Variants in ADAM18 observed in about 807,000 individuals in gnomAD.
ADAM18 encodes disintegrin and metalloproteinase domain-containing protein 18.
Under a neutral mutation model 94.4 loss-of-function variants are expected in ADAM18, and 117 were observed. The ratio of observed to expected loss-of-function variants is 1.24; its 90% CI spans 1.07 to 1.45. The LOEUF (loss-of-function observed/expected upper bound fraction) is 1.45, where lower values mean the gene tolerates loss of function less well. Ranked by LOEUF, ADAM18 falls within the 40% of genes most tolerant of loss-of-function variation. The pLI, the probability that ADAM18 is intolerant of heterozygous loss-of-function variation, is 0.00. For synonymous variants in ADAM18, 327 were observed against 291.6 expected (o/e 1.12, Z -1.24); for missense variants, 936 against 880.0 (o/e 1.06, Z -0.81).
At chr8:39,661,340 T>C (rs1483840592) in intron 12 of ADAM18, among the ~76,000 whole-genome samples, 1 of 141,608 alleles carries the variant, frequency 7.1e-6, no homozygotes, top group Non-Finnish European at 1.5e-5. Flanking sequence ...TTTTTTTTTT[T>C]TTTTTTTGTA....
At chr8:39,650,964 T>C (rs763447294) in intron 12 of ADAM18, among the ~76,000 whole-genome samples, 2 of 152,144 alleles carry the variant, frequency 1.3e-5, no homozygotes, top group Non-Finnish European at 2.9e-5. Flanking sequence ...CTGAGTTCCC[T>C]CAGTATTTAT....
chr8:39,670,085 A>G (rs1010312774), intron 14 of ADAM18, among the ~76,000 whole-genome samples: 4 of 151,926 alleles, frequency 2.6e-5, no homozygotes, highest in African/African-American at 9.7e-5. Context: ...GCATTTTTTC[A>G]TGTGTTTTTT....
chr8:39,610,448 T>G, intron 5 of ADAM18, 81 bp from the exon 6 acceptor site: 1 of 1,421,682 alleles, frequency 7.0e-7, no homozygotes, highest in Non-Finnish European at 9.3e-7. Flanking sequence ...TTTAATTTCT[T>G]ATGCCATTTC....
chr8:39,666,732 T>A (rs775522652), intron 13 of ADAM18, among the ~76,000 whole-genome samples: 1 of 152,148 alleles, frequency 6.6e-6, no homozygotes, highest in Non-Finnish European at 1.5e-5. Context: ...TTCACTATCA[T>A]GAGAATAGCA....
intron 16 of ADAM18, among the ~76,000 whole-genome samples, chr8:39,684,139 A>G (rs1563305531): frequency 6.6e-6 from 1 of 152,148 alleles, no homozygotes; most frequent in Admixed American, 6.5e-5. Flanking sequence ...CTCAAAATAA[A>G]TAAATACATA....
intron 2 of ADAM18, among the ~76,000 whole-genome samples, chr8:39,586,850 T>C (rs1158235777): frequency 6.6e-6 from 1 of 152,168 alleles, no homozygotes; most frequent in African/African-American, 2.4e-5. Flanking sequence ...GATTTACTAC[T>C]ATTGTACATT....
At chr8:39,634,768 T>G (rs1242545727) in intron 7 of ADAM18, among the ~76,000 whole-genome samples, 1 of 152,206 alleles carries the variant, frequency 6.6e-6, no homozygotes, top group Non-Finnish European at 1.5e-5. Flanking sequence ...AGAATAAATC[T>G]TGCCTTGAGT....
At chr8:39,588,782 C>T (rs1818483695) in intron 2 of ADAM18, among the ~76,000 whole-genome samples, 1 of 152,162 alleles carries the variant, frequency 6.6e-6, no homozygotes. Flanking sequence ...AGGGAGAATG[C>T]ACACCTTGGG....
intron 3 of ADAM18, among the ~76,000 whole-genome samples, chr8:39,607,741 T>TC (rs1242888893): frequency 1.5e-5 from 2 of 132,996 alleles, no homozygotes; most frequent in African/African-American, 3.0e-5. Flanking sequence ...CTCCTTTCTC[T>TC]ATTTTTTTTT....
At chr8:39,628,853 G>A (rs1222265903) in intron 6 of ADAM18, among the ~76,000 whole-genome samples, 1 of 152,012 alleles carries the variant, frequency 6.6e-6, no homozygotes, top group Non-Finnish European at 1.5e-5. Context: ...CAGAGCATAG[G>A]CTTTGTGTGT....
At chr8:39,584,729 G>A (rs2129457828) in intron 1 of ADAM18, 52 bp downstream of exon 1, 1 of 1,588,740 alleles carries the variant, frequency 6.3e-7, no homozygotes, top group Non-Finnish European at 8.6e-7. Context: ...GCTGGGCTGG[G>A]CTCTTACTGG....
rs1384938667 is a variant in ADAM18 at position 39,648,405 on chromosome 8, TC to T, written c.1109del (p.Ser370Ter). The T allele has an allele frequency of 1.2e-6, 2 of 1,613,216 alleles. No homozygotes were observed. The highest frequency in any genetic ancestry group is 4.5e-5 in the East Asian group (2 of 44,820). ...CATGCACGACTATAGATATTTTGTT[TC>T]AAAATTTGAGACTAAATGCCTTCAG... is the stretch of plus-strand genomic sequence containing the variant. ...CSMHDYRYFV[S>X]KFETKCLQKL... On this transcript the variant is annotated frameshift_variant, in exon 12 of 20. Transcript: ENST00000265707. LOFTEE classifies it high-confidence loss of function.
intron 17 of ADAM18, among the ~76,000 whole-genome samples, chr8:39,704,912 G>A (rs1029104112): frequency 1.3e-5 from 2 of 151,736 alleles, no homozygotes; most frequent in Non-Finnish European, 2.9e-5. Flanking sequence ...TCATGTCCTT[G>A]TACTTTCATT....
intron 6 of ADAM18, among the ~76,000 whole-genome samples, chr8:39,628,157 A>G (rs974702305): frequency 2.6e-5 from 4 of 151,928 alleles, no homozygotes; most frequent in African/African-American, 7.2e-5. Context: ...CTCACTCAAC[A>G]TTATTTCAGT....
intron 19 of ADAM18, among the ~76,000 whole-genome samples, chr8:39,726,108 TTA>T (rs1194294123): frequency 1.3e-5 from 2 of 152,204 alleles, no homozygotes; most frequent in Middle Eastern, 3.4e-3. Flanking sequence ...TGGTCTTCAT[TTA>T]TGTTTTCCTG....
intron 6 of ADAM18, 47 bp from the exon 7 acceptor site, chr8:39,629,327 T>G (rs750861624): frequency 2.1e-6 from 3 of 1,400,100 alleles, no homozygotes; most frequent in Admixed American, 2.1e-5. Flanking sequence ...TCTCTTAAAT[T>G]CAATACATGT....
intron 18 of ADAM18, among the ~76,000 whole-genome samples, chr8:39,712,976 T>G (rs1247249028): frequency 6.6e-6 from 1 of 152,016 alleles, no homozygotes. Flanking sequence ...GAGCCCACAT[T>G]GCCAAGACAA....
intron 3 of ADAM18, among the ~76,000 whole-genome samples, chr8:39,608,613 C>G (rs1819163898): frequency 6.6e-6 from 1 of 152,026 alleles, no homozygotes; most frequent in South Asian, 2.1e-4. Context: ...CCATGCCACC[C>G]TATCTACATT....
At chr8:39,685,705 C>G (rs1821591148) in intron 16 of ADAM18, among the ~76,000 whole-genome samples, 1 of 152,142 alleles carries the variant, frequency 6.6e-6, no homozygotes, top group Non-Finnish European at 1.5e-5. Flanking sequence ...TTCTGCTTTC[C>G]TTTTCATTAT....
Sources: gnomAD v4.1 joint callset for allele counts (sites outside exome capture counted in the v4.1 genomes callset) on GRCh38, gnomAD v4.1.1 for gene constraint, MANE v1.5 for transcripts, NCBI Gene and HGNC (gene_info 2026-07-23, HGNC 2026-07-21) for gene names.